MTHFD1L: variants seen among roughly 807,000 people sequenced by gnomAD.
MTHFD1L encodes methylenetetrahydrofolate dehydrogenase (NADP+ dependent) 1 like.
Under a neutral mutation model 119.5 loss-of-function variants are expected in MTHFD1L, and 81 were observed. That is an observed-to-expected ratio of 0.68 (90% confidence interval 0.57 to 0.82). The LOEUF is 0.82. Among genes scored for constraint, MTHFD1L ranks in the 40% least tolerant of loss-of-function variants. The pLI, the probability that MTHFD1L is intolerant of heterozygous loss-of-function variation, is 0.00. For missense variants in MTHFD1L, 1,125 were observed against 1,253.4 expected (o/e 0.90, Z 1.55); for synonymous variants, 430 against 475.2 (o/e 0.90, Z 1.24).
chr6:151,044,684 A>G (rs913701754), intron 26 of MTHFD1L, among the ~76,000 whole-genome samples: 3 of 152,136 alleles, frequency 2.0e-5, no homozygotes, highest in Admixed American at 2.0e-4. Flanking sequence ...ACCAGGCCCT[A>G]GAAGACCAGC....
chr6:150,956,724 G>T (rs1795699750), intron 17 of MTHFD1L, among the ~76,000 whole-genome samples: 1 of 152,028 alleles, frequency 6.6e-6, no homozygotes, highest in Admixed American at 6.5e-5. Context: ...TTTAAGAACA[G>T]TTTTAGATTT....
intron 16 of MTHFD1L, among the ~76,000 whole-genome samples, chr6:150,949,747 C>T (rs931584198): frequency 1.3e-5 from 2 of 152,144 alleles, no homozygotes; most frequent in Non-Finnish European, 1.5e-5. Context: ...TCAGTCTCAT[C>T]GCTCACTATG....
chr6:150,978,636 T>C (rs1023790061), intron 20 of MTHFD1L, among the ~76,000 whole-genome samples: 1 of 152,174 alleles, frequency 6.6e-6, no homozygotes, highest in Non-Finnish European at 1.5e-5. Flanking sequence ...AAAGCCTTGT[T>C]AATATTTTCA....
At chr6:150,876,534 C>T (rs140251948) in intron 2 of MTHFD1L, among the ~76,000 whole-genome samples, 11 of 152,312 alleles carry the variant, frequency 7.2e-5, no homozygotes, top group African/African-American at 2.6e-4. Context: ...TCAATGGACA[C>T]AGATGCTAGA....
rs35978918 is a variant in MTHFD1L at position 150,961,089 on chromosome 6, C to CTT, written c.1944+695_1944+696dup. On this transcript the variant is annotated intron_variant, in intron 18 of 27. Transcript: ENST00000367321. Reference sequence around the variant, plus strand: ...GTATAATAACAACCTTTCCTGTTAACTTTTTTTTTTTTTTTTTTTTTTCTG... The same window carrying CTT: ...GTATAATAACAACCTTTCCTGTTAACTTTTTTTTTTTTTTTTTTTTTTTTCTG... Among the ~76,000 whole-genome samples the CTT allele has an allele frequency of 2.9e-3, 328 of 113,394 alleles. 8 individuals are homozygous for CTT. The highest frequency in any genetic ancestry group is 9.7e-3 in the African/African-American group (299 of 30,742). The allele number at this position is 113,394 out of a possible 152,430, so 74.4% of individuals were successfully genotyped here.
At chr6:151,006,892 AC>A (rs1159124102) in intron 20 of MTHFD1L, among the ~76,000 whole-genome samples, 1 of 151,970 alleles carries the variant, frequency 6.6e-6, no homozygotes, top group Non-Finnish European at 1.5e-5. Flanking sequence ...GCAACAATCT[AC>A]CTCCAACTAT....
At chr6:151,086,602 A>G (rs1197204226) in intron 26 of MTHFD1L, among the ~76,000 whole-genome samples, 2 of 152,048 alleles carry the variant, frequency 1.3e-5, no homozygotes, top group Non-Finnish European at 2.9e-5. Flanking sequence ...CACATGGCTT[A>G]CTGTAGCCTC....
chr6:151,099,727 C>T, intron 27 of MTHFD1L: 1 of 1,610,868 alleles, frequency 6.2e-7, no homozygotes, highest in South Asian at 1.1e-5. Flanking sequence ...AAAAACAAAG[C>T]ACATGCTGCC....
chr6:150,912,300 T>TG (rs1787043861), intron 8 of MTHFD1L, among the ~76,000 whole-genome samples: 2 of 133,262 alleles, frequency 1.5e-5, no homozygotes, highest in South Asian at 2.4e-4. Context: ...CCAGTGTTTT[T>TG]GTTTTTTTTT....
chr6:151,076,674 C>G (rs1291706987), intron 26 of MTHFD1L, among the ~76,000 whole-genome samples: 4 of 149,982 alleles, frequency 2.7e-5, no homozygotes, highest in African/African-American at 9.8e-5. Flanking sequence ...AAAAGACTGA[C>G]CATACCAAAT....
intron 26 of MTHFD1L, among the ~76,000 whole-genome samples, chr6:151,087,412 T>G (rs959729917): frequency 6.6e-6 from 1 of 152,156 alleles, no homozygotes; most frequent in Non-Finnish European, 1.5e-5. Context: ...AGAAGGACTG[T>G]CTTCTGCTTC....
At chr6:151,095,751 G>C (rs1176856088) in intron 27 of MTHFD1L, among the ~76,000 whole-genome samples, 2 of 152,248 alleles carry the variant, frequency 1.3e-5, no homozygotes, top group African/African-American at 4.8e-5. Context: ...GGGCCACAAG[G>C]CTTCAAGAGG....
intron 4 of MTHFD1L, among the ~76,000 whole-genome samples, chr6:150,879,468 T>C (rs899152500): frequency 6.6e-6 from 1 of 151,278 alleles, no homozygotes; most frequent in Non-Finnish European, 1.5e-5. Flanking sequence ...TTTGTGTTTT[T>C]AGTAGAGACA....
chr6:151,087,415 T>G lies in MTHFD1L; in HGVS notation c.2848-5052T>G, dbSNP rs572570515. ...AAAGAAATATGTAGAAGGACTGTCTTCTGCTTCAGATCATGAACTGTAGGA... is the reference window on the plus strand; with the variant it reads ...AAAGAAATATGTAGAAGGACTGTCTGCTGCTTCAGATCATGAACTGTAGGA... On this transcript the variant is annotated intron_variant, in intron 26 of 27. Transcript: ENST00000367321. 3.3e-5 allele frequency among the ~76,000 whole-genome samples: 5 copies of G among 152,258 alleles called. No individual in the cohort carries two copies. In the South Asian group the frequency reaches 1.0e-3, roughly 32 times the overall value.
chr6:150,940,070 T>A (rs1166696946), intron 13 of MTHFD1L, among the ~76,000 whole-genome samples: 2 of 152,076 alleles, frequency 1.3e-5, no homozygotes, highest in African/African-American at 2.4e-5. Flanking sequence ...CTTTACCCAG[T>A]TTAGTCAAGG....
intron 26 of MTHFD1L, among the ~76,000 whole-genome samples, chr6:151,048,497 G>T (rs1229711291): frequency 6.6e-6 from 1 of 152,122 alleles, no homozygotes; most frequent in East Asian, 1.9e-4. Flanking sequence ...TGTGCTAGTG[G>T]CCTGCCAACC....
intron 26 of MTHFD1L, among the ~76,000 whole-genome samples, chr6:151,074,539 G>A (rs987368164): frequency 2.6e-5 from 4 of 152,182 alleles, no homozygotes; most frequent in African/African-American, 9.6e-5. Flanking sequence ...ACTATATGTG[G>A]TGTGGTAGTA....
intron 18 of MTHFD1L, among the ~76,000 whole-genome samples, chr6:150,962,210 G>A (rs565465726): frequency 7.9e-5 from 12 of 152,050 alleles, no homozygotes; most frequent in South Asian, 2.1e-4. Flanking sequence ...GGCTGGTCTC[G>A]AACTCCTCAG....
intron 5 of MTHFD1L, among the ~76,000 whole-genome samples, chr6:150,883,691 T>C (rs1667965718): frequency 6.6e-6 from 1 of 152,198 alleles, no homozygotes; most frequent in Admixed American, 6.5e-5. Flanking sequence ...CTGTGATTCA[T>C]GTCATGGAGT....
Sources: gnomAD v4.1 joint callset for allele counts (sites outside exome capture counted in the v4.1 genomes callset) on GRCh38, gnomAD v4.1.1 for gene constraint, MANE v1.5 for transcripts, NCBI Gene and HGNC (gene_info 2026-07-23, HGNC 2026-07-21) for gene names.